DTNBP1: variants seen among roughly 807,000 people sequenced by gnomAD.
The protein encoded by DTNBP1 is dystrobrevin binding protein 1, also known as dysbindin.
A neutral mutation model predicts 42.8 loss-of-function variants in DTNBP1; 35 were observed. The observed-to-expected ratio is 0.82, with a 90% CI of 0.63 to 1.09. The LOEUF is 1.09. Ranked by LOEUF, DTNBP1 falls within the 50% of genes least tolerant of loss-of-function variation. The probability of loss-of-function intolerance (pLI) is 0.00; values close to 1 mark genes in which losing one functional copy is unlikely to be tolerated. For synonymous variants in DTNBP1, 171 were observed against 162.2 expected, an observed-to-expected ratio of 1.05 and a Z score of -0.41; for missense variants, 457 against 424.2, an observed-to-expected ratio of 1.08 and a Z score of -0.68.
chr6:15,533,327 C>T lies in DTNBP1; in HGVS notation c.580G>A (p.Glu194Lys). The T allele has an allele frequency of 6.2e-7, 1 of 1,614,238 alleles. No homozygotes were observed. ...GCTTCCTCAAAAAACTTCTGCCGCT[C>T]CTTCAGCTTCATTTGCTGGGTGTGC... Reference protein sequence around the residue: ...MEHTQQMKLKERQKFFEEAFQ... With the variant: ...MEHTQQMKLKKRQKFFEEAFQ... Residue 194 changes from glutamate (E) to lysine (K), a missense_variant, in exon 8 of 10, where the codon GAG becomes AAG. Physicochemically the swap from Glu to Lys is moderately conservative, Grantham distance 56. Coordinates refer to ENST00000344537, the MANE Select transcript of DTNBP1 (RefSeq NM_032122.5).
intron 7 of DTNBP1, among the ~76,000 whole-genome samples, chr6:15,558,776 G>A (rs2113461976): frequency 6.6e-6 from 1 of 152,254 alleles, no homozygotes; most frequent in East Asian, 1.9e-4. Context: ...TTGTTTTTCA[G>A]AGTCAAGAAA....
intron 6 of DTNBP1, among the ~76,000 whole-genome samples, chr6:15,609,479 C>T (rs558457009): frequency 2.6e-5 from 4 of 151,994 alleles, no homozygotes; most frequent in Non-Finnish European, 4.4e-5. Flanking sequence ...CCTGCCATGC[C>T]CAGCTATTTT....
At chr6:15,573,160 C>CT (rs200341669) in intron 7 of DTNBP1, among the ~76,000 whole-genome samples, 1 of 151,996 alleles carries the variant, frequency 6.6e-6, no homozygotes, top group African/African-American at 2.4e-5. Flanking sequence ...TGTCCACTTA[C>CT]TTTTTTTTAG....
In DTNBP1 at chr6:15,615,318, C is replaced by T; in HGVS notation, c.437G>A (p.Arg146Lys). ...TTGCTGGGACTGCATATGTTTGCATCTTTCTAATTCACACTGCCCACATAA... is the reference window on the plus strand; with the variant it reads ...TTGCTGGGACTGCATATGTTTGCATTTTTCTAATTCACACTGCCCACATAA... ...EDLCGQCELERCKHMQSQQLE... is the reference protein window; with the variant it reads ...EDLCGQCELEKCKHMQSQQLE... The change falls in exon 6 of 10, where the codon AGA (arginine) becomes AAA (lysine). Residue 146 changes from arginine to lysine, a missense_variant. Physicochemically the swap from Arg to Lys is conservative, Grantham distance 26 (BLOSUM62 2). Transcript: ENST00000344537. 6.2e-7 allele frequency: 1 copy of T among 1,614,098 alleles called. No individual in the cohort carries two copies. Among genetic ancestry groups the T allele is most frequent in the South Asian group, 1.1e-5 (1 of 91,084 alleles).
At chr6:15,527,035 T>G (rs1199534231) in intron 8 of DTNBP1, among the ~76,000 whole-genome samples, 1 of 152,104 alleles carries the variant, frequency 6.6e-6, no homozygotes, top group African/African-American at 2.4e-5. Context: ...AAATGTTTCT[T>G]AAAAAATGAA....
At chr6:15,523,366 C>G in intron 9 of DTNBP1, 147 bp from the exon 10 acceptor site, 3 of 1,325,058 alleles carry the variant, frequency 2.3e-6, no homozygotes, top group Non-Finnish European at 3.1e-6. Context: ...TTGGGAACTG[C>G]CCTGGAAGAC....
At chr6:15,615,469 C>T in intron 5 of DTNBP1, 70 bp from the exon 6 acceptor site, 1 of 1,584,932 alleles carries the variant, frequency 6.3e-7, no homozygotes, top group Non-Finnish European at 8.6e-7. Flanking sequence ...CAAAAAGTAT[C>T]AAAAAGGTAA....
chr6:15,538,744 C>T (rs114044120), intron 7 of DTNBP1, among the ~76,000 whole-genome samples: 195 of 152,320 alleles, frequency 1.3e-3, no homozygotes, highest in African/African-American at 4.4e-3. Context: ...CTGTGGCAGA[C>T]ACCCTGCTCC....
chr6:15,538,041 T>A (rs1773344964), intron 7 of DTNBP1, among the ~76,000 whole-genome samples: 1 of 152,212 alleles, frequency 6.6e-6, no homozygotes, highest in African/African-American at 2.4e-5. Flanking sequence ...GGGAGAATCC[T>A]GAGGTGGCTC....
chr6:15,641,263 CA>C (rs1428668122), intron 3 of DTNBP1, among the ~76,000 whole-genome samples: 1 of 152,080 alleles, frequency 6.6e-6, no homozygotes, highest in African/African-American at 2.4e-5. Context: ...CTAGGAATAT[CA>C]AAAGCCAGTT....
chr6:15,640,201 TA>T (rs1214604212), intron 3 of DTNBP1, among the ~76,000 whole-genome samples: 2 of 152,102 alleles, frequency 1.3e-5, no homozygotes, highest in Non-Finnish European at 2.9e-5. Context: ...AATCAGCACT[TA>T]AAAAAAATTT....
chr6:15,593,022 T>G, intron 7 of DTNBP1, 37 bp downstream of exon 7: 1 of 1,569,912 alleles, frequency 6.4e-7, no homozygotes, highest in Non-Finnish European at 8.7e-7. Flanking sequence ...CAATGAACTC[T>G]CAACTACTTT....
chr6:15,531,140 C>G (rs370590836), intron 8 of DTNBP1, among the ~76,000 whole-genome samples: 1 of 152,184 alleles, frequency 6.6e-6, no homozygotes, highest in East Asian at 1.9e-4. Flanking sequence ...GAGCCCTCAT[C>G]AGAAACCGAT....
chr6:15,653,966 T>A (rs1761151043), intron 1 of DTNBP1, among the ~76,000 whole-genome samples: 1 of 152,228 alleles, frequency 6.6e-6, no homozygotes, highest in Non-Finnish European at 1.5e-5. Flanking sequence ...TGAAACAGGA[T>A]TCCATCTTTT....
At chr6:15,632,720 G>A (rs1759760465) in intron 4 of DTNBP1, among the ~76,000 whole-genome samples, 1 of 152,150 alleles carries the variant, frequency 6.6e-6, no homozygotes, top group Non-Finnish European at 1.5e-5. Flanking sequence ...TGTATTTTCT[G>A]CATCTGACGA....
intron 1 of DTNBP1, among the ~76,000 whole-genome samples, chr6:15,656,351 C>T (rs1346961857): frequency 1.3e-5 from 2 of 152,182 alleles, no homozygotes; most frequent in Non-Finnish European, 2.9e-5. Flanking sequence ...TGACAACTTT[C>T]AAGTTCAAAG....
At chr6:15,631,303 C>G (rs866926050) in intron 4 of DTNBP1, among the ~76,000 whole-genome samples, 1 of 152,116 alleles carries the variant, frequency 6.6e-6, no homozygotes, top group African/African-American at 2.4e-5. Flanking sequence ...TTTTGATGAG[C>G]TGTGGGTTTT....
chr6:15,574,443 C>T (rs1449445905), intron 7 of DTNBP1, among the ~76,000 whole-genome samples: 4 of 152,214 alleles, frequency 2.6e-5, no homozygotes, highest in African/African-American at 7.2e-5. Context: ...CAGGGAAGGA[C>T]GCACTATCAC....
chr6:15,644,227 A>G (rs1760545787), intron 3 of DTNBP1, among the ~76,000 whole-genome samples: 1 of 152,058 alleles, frequency 6.6e-6, no homozygotes, highest in Non-Finnish European at 1.5e-5. Context: ...AAAGAGCTCA[A>G]TTCAATAAGA....
Sources: allele counts gnomAD v4.1 joint callset (sites outside exome capture counted in the v4.1 genomes callset), GRCh38; gene constraint gnomAD v4.1.1; transcripts MANE v1.5; gene names NCBI Gene and HGNC (gene_info 2026-07-23, HGNC 2026-07-21).